Variants in RAI14 observed in about 807,000 individuals in gnomAD.
The protein encoded by RAI14 is retinoic acid induced 14.
A neutral mutation model predicts 115.4 loss-of-function variants in RAI14; 45 were observed. The ratio of observed to expected loss-of-function variants is 0.39; its 90% confidence interval spans 0.31 to 0.50. RAI14 has a LOEUF of 0.50. Ranked by LOEUF, RAI14 falls within the 20% of genes least tolerant of loss-of-function variation. RAI14 has a pLI of 0.85. For missense variants in RAI14, 939 were observed against 1,131.2 expected (o/e 0.83, Z 2.44); for synonymous variants, 371 against 415.4 (o/e 0.89, Z 1.30).
chr5:34,744,315 C>A (rs1043362162), intron 2 of RAI14, among the ~76,000 whole-genome samples: 1 of 152,100 alleles, frequency 6.6e-6, no homozygotes, highest in Non-Finnish European at 1.5e-5. Context: ...TTCACAGAGG[C>A]CTTATGAACA....
At chr5:34,742,937 C>T (rs1263462473) in intron 2 of RAI14, among the ~76,000 whole-genome samples, 1 of 152,214 alleles carries the variant, frequency 6.6e-6, no homozygotes, top group African/African-American at 2.4e-5. Context: ...GCTGGGATTA[C>T]AGGCATGAGC....
chr5:34,664,202 C>T (rs899411777), intron 1 of RAI14, among the ~76,000 whole-genome samples: 5 of 150,770 alleles, frequency 3.3e-5, no homozygotes, highest in African/African-American at 1.2e-4. Context: ...CTTAAATTGA[C>T]ATTTAGGCCA....
Position 34,758,891 on chromosome 5 carries a change from T to G in RAI14, c.167+1293T>G, listed in dbSNP as rs79013404. On this transcript the variant is annotated intron_variant, in intron 3 of 17. Coordinates refer to ENST00000265109, the MANE Select transcript of RAI14 (RefSeq NM_015577.3). ...CAAAAAGGGTTTCCTTATCCCAGGT[T>G]TATAGTATGCCTCAGAGTTATTCCA... 4.0e-3 allele frequency among the ~76,000 whole-genome samples: 613 copies of G among 152,254 alleles called. 2 individuals are homozygous for G. The highest frequency in any genetic ancestry group is 0.014 in the African/African-American group (583 of 41,554).
At chr5:34,738,095 T>C (rs1745085431) in intron 2 of RAI14, among the ~76,000 whole-genome samples, 2 of 152,102 alleles carry the variant, frequency 1.3e-5, no homozygotes, top group Non-Finnish European at 2.9e-5. Context: ...AGGAATGAGA[T>C]GGGGTCTATT....
At chr5:34,765,058 C>T (rs777981907) in intron 3 of RAI14, among the ~76,000 whole-genome samples, 6 of 152,124 alleles carry the variant, frequency 3.9e-5, no homozygotes, top group Non-Finnish European at 5.9e-5. Flanking sequence ...TTTCTCTTGC[C>T]GTTGCTATGT....
In RAI14 at chr5:34,665,178, C is replaced by CATAT. The variant is rs201354748; in HGVS notation, c.-49+8710_-49+8713dup. 9.6e-3 allele frequency among the ~76,000 whole-genome samples: 68 copies of CATAT among 7,088 alleles called. 4 individuals are homozygous for CATAT. Among genetic ancestry groups the CATAT allele is most frequent in the South Asian group, 0.09 (23 of 256 alleles). 4.7% of individuals were successfully genotyped at this position (7,088 alleles called of 152,430 possible). The stretch of plus-strand genomic sequence containing the variant: ...GTGTGTGTATATATATATATACACA[C>CATAT]ATATATATATGTATATATATACACA... On this transcript the variant is annotated intron_variant, in intron 1 of 17. Transcript: ENST00000265109.
At chr5:34,746,597 G>A (rs1171571992) in intron 2 of RAI14, among the ~76,000 whole-genome samples, 3 of 151,706 alleles carry the variant, frequency 2.0e-5, no homozygotes, top group African/African-American at 4.8e-5. Flanking sequence ...TAGAGACGGG[G>A]TTTCACCATG....
chr5:34,675,596 C>A (rs113688366), intron 1 of RAI14, among the ~76,000 whole-genome samples: 16,485 of 151,758 alleles, frequency 0.11, 2,411 homozygotes, highest in African/African-American at 0.34. Flanking sequence ...ACAAGAAATA[C>A]AAAAATTAGT....
At chr5:34,741,170 G>A (rs1454694667) in intron 2 of RAI14, among the ~76,000 whole-genome samples, 1 of 152,152 alleles carries the variant, frequency 6.6e-6, no homozygotes, top group Non-Finnish European at 1.5e-5. Context: ...AAAATATCTG[G>A]ATAGATCTAC....
At chr5:34,786,823 C>T (rs1752357035) in intron 3 of RAI14, among the ~76,000 whole-genome samples, 1 of 152,182 alleles carries the variant, frequency 6.6e-6, no homozygotes, top group Non-Finnish European at 1.5e-5. Context: ...GAAATACAGA[C>T]CGTGGAGTGG....
chr5:34,718,979 T>C (rs1409208614), intron 2 of RAI14, among the ~76,000 whole-genome samples: 1 of 152,254 alleles, frequency 6.6e-6, no homozygotes, highest in Non-Finnish European at 1.5e-5. Context: ...TGAGCATTCA[T>C]TTAGCCGGTA....
At chr5:34,786,669 G>T (rs145508041) in intron 3 of RAI14, among the ~76,000 whole-genome samples, 4 of 152,054 alleles carry the variant, frequency 2.6e-5, no homozygotes, top group African/African-American at 9.7e-5. Flanking sequence ...GGTGTCCTCC[G>T]CTTGGTTCCA....
chr5:34,787,317 A>G (rs1752417230), intron 3 of RAI14, among the ~76,000 whole-genome samples: 1 of 152,244 alleles, frequency 6.6e-6, no homozygotes, highest in Non-Finnish European at 1.5e-5. Flanking sequence ...ATGGTGGGGC[A>G]TGATAGTAAT....
chr5:34,802,271 G>A (rs1754364870), intron 4 of RAI14, among the ~76,000 whole-genome samples: 2 of 152,138 alleles, frequency 1.3e-5, no homozygotes, highest in Non-Finnish European at 2.9e-5. Context: ...CTAAGGTTGA[G>A]AAAGTGCATC....
At chr5:34,787,172 T>TTTTG (rs1580259361) in intron 3 of RAI14, among the ~76,000 whole-genome samples, 1 of 152,194 alleles carries the variant, frequency 6.6e-6, no homozygotes, top group Non-Finnish European at 1.5e-5. Context: ...GCTGCAGAGA[T>TTTTG]TTTATCAGTT....
chr5:34,803,567 A>C (rs1341421732), intron 4 of RAI14, 145 bp from the exon 5 acceptor site: 13 of 684,488 alleles, frequency 1.9e-5, no homozygotes, highest in South Asian at 1.4e-4. Context: ...AAAAAACAAA[A>C]AAACAAACAA....
chr5:34,761,171 C>T (rs1264140049), intron 3 of RAI14, among the ~76,000 whole-genome samples: 1 of 152,158 alleles, frequency 6.6e-6, no homozygotes, highest in Non-Finnish European at 1.5e-5. Context: ...TAACACAGCT[C>T]TTCCTGAATT....
At chr5:34,796,454 A>G (rs1231790427) in intron 4 of RAI14, among the ~76,000 whole-genome samples, 2 of 152,140 alleles carry the variant, frequency 1.3e-5, no homozygotes, top group Non-Finnish European at 2.9e-5. Context: ...AAAGAAGAAA[A>G]GAGAATCACC....
chr5:34,761,926 C>T (rs1748700746), intron 3 of RAI14, among the ~76,000 whole-genome samples: 1 of 152,176 alleles, frequency 6.6e-6, no homozygotes, highest in Non-Finnish European at 1.5e-5. Context: ...ACCACACCCA[C>T]CTTTATTCTA....
Sources: allele counts gnomAD v4.1 joint callset (sites outside exome capture counted in the v4.1 genomes callset), GRCh38; gene constraint gnomAD v4.1.1; transcripts MANE v1.5; gene names NCBI Gene and HGNC (gene_info 2026-07-23, HGNC 2026-07-21).